The following BICDL1 variants were observed in gnomAD, a reference collection of about 807,000 sequenced individuals.
The protein encoded by BICDL1 is BICD family like cargo adaptor 1.
In BICDL1, 20 loss-of-function variants were observed where a neutral mutation model predicts 76.8. The observed-to-expected ratio is 0.26, with a 90% CI of 0.18 to 0.38. The LOEUF (loss-of-function observed/expected upper bound fraction) is 0.38, where lower values mean the gene tolerates loss of function less well. BICDL1 is among the 10% of genes least tolerant of loss of function. BICDL1 has a pLI of 1.00. For missense variants in BICDL1, 700 were observed against 798.6 expected, an observed-to-expected ratio of 0.88 and a Z score of 1.49; for synonymous variants, 383 against 337.1, an observed-to-expected ratio of 1.14 and a Z score of -1.49.
intron 2 of BICDL1, among the ~76,000 whole-genome samples, chr12:120,059,256 G>C (rs1264638183): frequency 1.3e-5 from 2 of 151,470 alleles, no homozygotes; most frequent in Admixed American, 6.6e-5. Flanking sequence ...CACCATGCCC[G>C]GTTAATTTGT....
At chr12:119,994,372 G>C (rs1951592139) in intron 1 of BICDL1, among the ~76,000 whole-genome samples, 1 of 151,466 alleles carries the variant, frequency 6.6e-6, no homozygotes. Flanking sequence ...GGACTTCTGA[G>C]CATATTGTCA....
intron 2 of BICDL1, among the ~76,000 whole-genome samples, chr12:120,030,502 A>G (rs1163303260): frequency 6.6e-6 from 1 of 152,230 alleles, no homozygotes; most frequent in Non-Finnish European, 1.5e-5. Context: ...AAGATTTACA[A>G]AAAAATGTGC....
chr12:120,053,183 G>A (rs908514588), intron 2 of BICDL1, among the ~76,000 whole-genome samples: 4 of 151,142 alleles, frequency 2.6e-5, no homozygotes, highest in South Asian at 2.1e-4. Context: ...GGGTTCAAGC[G>A]AAGCAATTCT....
At chr12:120,069,917 T>C (rs775219513) in intron 4 of BICDL1, among the ~76,000 whole-genome samples, 2 of 152,336 alleles carry the variant, frequency 1.3e-5, no homozygotes, top group African/African-American at 2.4e-5. Context: ...ATGTATACTT[T>C]TTATGTCTGG....
intron 4 of BICDL1, among the ~76,000 whole-genome samples, chr12:120,068,987 C>T (rs1872877721): frequency 6.6e-6 from 1 of 152,116 alleles, no homozygotes; most frequent in African/African-American, 2.4e-5. Context: ...CCCACAATTC[C>T]TGACCCCTGC....
Position 119,990,005 on chromosome 12 carries a change from C to A in BICDL1, c.137C>A (p.Pro46His). 1 of 1,487,800 alleles carries A rather than the reference C, an allele frequency of 6.7e-7. No homozygotes were observed. 92.2% of individuals were successfully genotyped at this position (1,487,800 alleles called of 1,614,324 possible). The change falls in exon 1 of 10, where the codon CCC (proline) becomes CAC (histidine). Residue 46 changes from proline (P) to histidine (H), a missense_variant. Around this residue, in one of 3 missense-constraint regions of BICDL1, gnomAD observed 225 missense variants for 199.6 expected, o/e 1.13. Coordinates refer to ENST00000548673, the MANE Select transcript of BICDL1 (RefSeq NM_001367886.1). ...GCCGCCGCCGCCGCCCTCATCTTCC[C>A]CGGGGGCTCCGGGGAGCTAGAACTG... Reference protein sequence around the residue: ...SPAAAAALIFPGGSGELELAL... With the variant: ...SPAAAAALIFHGGSGELELAL...
intron 2 of BICDL1, among the ~76,000 whole-genome samples, chr12:120,038,727 G>A (rs1174054917): frequency 6.6e-6 from 1 of 152,094 alleles, no homozygotes; most frequent in Non-Finnish European, 1.5e-5. Context: ...TAGTAATAAG[G>A]CCTATTTTAG....
intron 2 of BICDL1, among the ~76,000 whole-genome samples, chr12:120,034,386 A>G (rs1489483858): frequency 6.6e-6 from 1 of 152,210 alleles, no homozygotes; most frequent in Non-Finnish European, 1.5e-5. Context: ...GAGGGGTTTT[A>G]GAGCGGCTAT....
intron 2 of BICDL1, among the ~76,000 whole-genome samples, chr12:120,041,367 C>T (rs972535182): frequency 6.6e-6 from 1 of 151,998 alleles, no homozygotes; most frequent in Non-Finnish European, 1.5e-5. Flanking sequence ...TTTTACAGAC[C>T]GTTTTGTTCC....
intron 8 of BICDL1, among the ~76,000 whole-genome samples, chr12:120,082,043 A>G (rs1036265878): frequency 6.6e-6 from 1 of 152,188 alleles, no homozygotes; most frequent in African/African-American, 2.4e-5. Context: ...TCTTTTGATA[A>G]CTGATTTAGA....
At chr12:119,990,478 C>T (rs1951496520) in intron 1 of BICDL1, among the ~76,000 whole-genome samples, 181 bp downstream of exon 1, 1 of 152,196 alleles carries the variant, frequency 6.6e-6, no homozygotes, top group Admixed American at 6.5e-5. Flanking sequence ...CACTTGACTT[C>T]CCCACCCCGC....
At position 120,045,740 on chromosome 12, in the gene BICDL1, A is replaced by AG. The variant is rs201436695; in HGVS notation, c.646-15966dup. On this transcript the variant is annotated intron_variant, in intron 2 of 9. Transcript: ENST00000548673. The stretch of plus-strand genomic sequence containing the variant: ...ACAATGAGAACACATGGACATAGGA[A>AG]GGGGAACATCACACTCTGGGGACTG... 9.6e-3 allele frequency among the ~76,000 whole-genome samples: 1,228 copies of AG among 127,828 alleles called. 16 individuals carry two copies. The highest frequency in any genetic ancestry group is 0.045 in the East Asian group (176 of 3,954). 83.9% of individuals were successfully genotyped at this position (127,828 alleles called of 152,430 possible).
chr12:120,047,955 T>G (rs1952780546), intron 2 of BICDL1, among the ~76,000 whole-genome samples: 1 of 152,188 alleles, frequency 6.6e-6, no homozygotes, highest in Non-Finnish European at 1.5e-5. Flanking sequence ...TGAAACTTTG[T>G]ATATTTCCAA....
At chr12:120,058,535 ACTG>A (rs1953030502) in intron 2 of BICDL1, among the ~76,000 whole-genome samples, 3 of 151,800 alleles carry the variant, frequency 2.0e-5, no homozygotes, top group African/African-American at 7.3e-5. Context: ...ATGCACTCAA[ACTG>A]CAGCATGTGA....
At chr12:120,060,160 G>A (rs1169609255) in intron 2 of BICDL1, among the ~76,000 whole-genome samples, 1 of 152,198 alleles carries the variant, frequency 6.6e-6, no homozygotes, top group Non-Finnish European at 1.5e-5. Context: ...CACATAGTAT[G>A]TACTCAGTAA....
intron 9 of BICDL1, 58 bp downstream of exon 9, chr12:120,090,129 C>A: frequency 6.3e-7 from 1 of 1,595,468 alleles, no homozygotes; most frequent in South Asian, 1.1e-5. Flanking sequence ...TCTCTGAACC[C>A]AGGCAGAGTG....
At chr12:120,036,233 C>T (rs1452418899) in intron 2 of BICDL1, among the ~76,000 whole-genome samples, 1 of 152,192 alleles carries the variant, frequency 6.6e-6, no homozygotes, top group Non-Finnish European at 1.5e-5. Flanking sequence ...TCTTTGACAG[C>T]TTCTCCAATT....
Position 119,989,818 on chromosome 12 carries a change from C to G in BICDL1, c.-51C>G, listed in dbSNP as rs1236921827. 16 of 1,025,290 alleles carry G rather than the reference C, an allele frequency of 1.6e-5. No individual in the cohort carries two copies. The East Asian group carries it at 8.5e-4, about 55-fold the overall frequency. The allele number at this position is 1,025,290 out of a possible 1,614,324, so 63.5% of individuals were successfully genotyped here. ...CGGCAGGGCCCCTCCCCCCTGCAGC[C>G]TGGCGCGCGCGGGCCGGGCCGCACC... On this transcript the variant is annotated 5_prime_UTR_variant, in exon 1 of 10. Coordinates refer to ENST00000548673, the MANE Select transcript of BICDL1 (RefSeq NM_001367886.1).
At chr12:120,043,988 G>T (rs1952696885) in intron 2 of BICDL1, among the ~76,000 whole-genome samples, 1 of 152,152 alleles carries the variant, frequency 6.6e-6, no homozygotes, top group Non-Finnish European at 1.5e-5. Context: ...CATTTTAACC[G>T]GGGATCTTAT....
Sources: gnomAD v4.1 joint callset for allele counts (sites outside exome capture counted in the v4.1 genomes callset) on GRCh38, gnomAD v4.1.1 for gene constraint, gnomAD v4.1.1 regional missense constraint, MANE v1.5 for transcripts, NCBI Gene and HGNC (gene_info 2026-07-23, HGNC 2026-07-21) for gene names.